Variants in MECOM observed in about 807,000 individuals in gnomAD.
MECOM encodes MDS1 and EVI1 complex locus.
In MECOM, 13 loss-of-function variants were observed where a neutral mutation model predicts 116.3. The ratio of observed to expected loss-of-function variants is 0.11; its 90% CI spans 0.07 to 0.18. The LOEUF (loss-of-function observed/expected upper bound fraction) is 0.18. Among genes scored for constraint, MECOM ranks in the 10% least tolerant of loss-of-function variants. MECOM has a pLI of 1.00. For synonymous variants in MECOM, 528 were observed against 535.2 expected, an observed-to-expected ratio of 0.99 and a Z score of 0.19; for missense variants, 1,299 against 1,509.0, an observed-to-expected ratio of 0.86 and a Z score of 2.31.
Position 169,649,809 on chromosome 3 carries a change from C to T in MECOM, c.37+13527G>A, listed in dbSNP as rs534024772. Among the ~76,000 whole-genome samples the T allele has an allele frequency of 5.3e-5, 8 of 152,270 alleles. No individual in the cohort carries two copies. In the East Asian group the frequency reaches 1.3e-3, roughly 26 times the overall value. On this transcript the variant is annotated intron_variant, in intron 1 of 16. Coordinates refer to ENST00000651503, the MANE Select transcript of MECOM (RefSeq NM_004991.4). ...AATTAAAATTGCAAAGTAAATTAAT[C>T]CCTTAAAGATTTATATGAATAATTT... is the stretch of plus-strand genomic sequence containing the variant.
chr3:169,289,997 G>C (rs1714185604), intron 2 of MECOM, among the ~76,000 whole-genome samples: 1 of 152,134 alleles, frequency 6.6e-6, no homozygotes, highest in Admixed American at 6.6e-5. Flanking sequence ...ATTTTGGATT[G>C]CTGTAGCATT....
intron 1 of MECOM, among the ~76,000 whole-genome samples, chr3:169,502,918 C>T (rs1321504211): frequency 1.3e-5 from 2 of 152,076 alleles, no homozygotes; most frequent in African/African-American, 4.8e-5. Flanking sequence ...GACTAACTTT[C>T]CCAAATACTT....
At chr3:169,458,861 A>G (rs1746958099) in intron 1 of MECOM, among the ~76,000 whole-genome samples, 1 of 152,214 alleles carries the variant, frequency 6.6e-6, no homozygotes, top group Admixed American at 6.5e-5. Flanking sequence ...GGCACTTCCT[A>G]GGAAACAGAG....
intron 1 of MECOM, among the ~76,000 whole-genome samples, chr3:169,563,518 T>C (rs1762894354): frequency 6.6e-6 from 1 of 152,210 alleles, no homozygotes; most frequent in African/African-American, 2.4e-5. Context: ...TGTGTGTTGT[T>C]TGACCTTTTG....
intron 2 of MECOM, among the ~76,000 whole-genome samples, chr3:169,367,111 A>G (rs1729300874): frequency 6.6e-6 from 1 of 152,052 alleles, no homozygotes; most frequent in South Asian, 2.1e-4. Context: ...AAAAGACTAT[A>G]TTGAATAAGT....
At chr3:169,642,313 G>T (rs145616693) in intron 1 of MECOM, among the ~76,000 whole-genome samples, 94 of 152,180 alleles carry the variant, frequency 6.2e-4, no homozygotes, top group African/African-American at 1.9e-3. Context: ...GGGAAGACAA[G>T]AGAGAAGGAA....
intron 1 of MECOM, among the ~76,000 whole-genome samples, chr3:169,516,837 G>A (rs149667739): frequency 1.1e-3 from 160 of 152,252 alleles, no homozygotes; most frequent in Middle Eastern, 3.4e-3. Context: ...AGAGGAAAAC[G>A]AATGCTAGTT....
chr3:169,245,636 G>A (rs1755488002), intron 2 of MECOM, among the ~76,000 whole-genome samples: 1 of 152,114 alleles, frequency 6.6e-6, no homozygotes, highest in Non-Finnish European at 1.5e-5. Context: ...AAAACTGAGA[G>A]GTCTTAGGAG....
At chr3:169,207,060 G>A (rs1750030895) in intron 2 of MECOM, among the ~76,000 whole-genome samples, 1 of 152,164 alleles carries the variant, frequency 6.6e-6, no homozygotes, top group Admixed American at 6.5e-5. Context: ...GAGGCATAGT[G>A]ACTTCTTTCC....
At chr3:169,319,505 T>C (rs936832629) in intron 2 of MECOM, among the ~76,000 whole-genome samples, 2 of 151,878 alleles carry the variant, frequency 1.3e-5, no homozygotes, top group African/African-American at 4.8e-5. Flanking sequence ...CAAACCACCA[T>C]GGCATGTGTA....
intron 1 of MECOM, among the ~76,000 whole-genome samples, chr3:169,467,873 A>G (rs966799054): frequency 1.3e-5 from 2 of 152,220 alleles, no homozygotes; most frequent in African/African-American, 2.4e-5. Context: ...GACCCAGCTC[A>G]TGGTCAGCTT....
chr3:169,436,400 G>C (rs1358764180), intron 1 of MECOM, among the ~76,000 whole-genome samples: 1 of 151,890 alleles, frequency 6.6e-6, no homozygotes, highest in Non-Finnish European at 1.5e-5. Flanking sequence ...ACGGGCATGC[G>C]CCACCACGCC....
intron 2 of MECOM, among the ~76,000 whole-genome samples, chr3:169,202,084 T>C (rs1243182964): frequency 6.6e-6 from 1 of 152,122 alleles, no homozygotes; most frequent in East Asian, 1.9e-4. Flanking sequence ...GTGGTTAAAT[T>C]GTTTATTGAT....
intron 2 of MECOM, among the ~76,000 whole-genome samples, chr3:169,294,563 G>T (rs917178482): frequency 6.6e-6 from 1 of 152,168 alleles, no homozygotes; most frequent in East Asian, 1.9e-4. Context: ...TATGCAGTCT[G>T]TTCTGTCCTC....
At chr3:169,578,060 T>C (rs1443011160) in intron 1 of MECOM, among the ~76,000 whole-genome samples, 1 of 152,166 alleles carries the variant, frequency 6.6e-6, no homozygotes, top group East Asian at 1.9e-4. Context: ...TGTTTTCTAA[T>C]ATGGTACTTA....
chr3:169,305,642 A>G lies in MECOM; in HGVS notation c.375+75545T>C, dbSNP rs565797077. Among the ~76,000 whole-genome samples the G allele has an allele frequency of 2.0e-5, 3 of 152,346 alleles. No homozygotes were observed. The East Asian group carries it at 5.8e-4, about 29-fold the overall frequency. On this transcript the variant is annotated intron_variant, in intron 2 of 16. Transcript: ENST00000651503. ...ACCAAGGCCCAGCCCACTGGAAATC[A>G]GAGTTGCTGAAATATATGATTAGTG...
chr3:169,126,444 A>AT lies in MECOM; in HGVS notation c.830+1399dup, dbSNP rs199973685. Among the ~76,000 whole-genome samples the AT allele has an allele frequency of 6.8e-3, 1,039 of 151,810 alleles. 9 individuals carry two copies. Among genetic ancestry groups the AT allele is most frequent in the South Asian group, 0.018 (84 of 4,796 alleles). On this transcript the variant is annotated intron_variant, in intron 5 of 16. Coordinates refer to ENST00000651503, the MANE Select transcript of MECOM (RefSeq NM_004991.4). Reference sequence around the variant, plus strand: ...CTACTCATTTGTATTTGTTAGCTTCATTTTTTTTAAATTTGGGCACAATTA... The same window carrying AT: ...CTACTCATTTGTATTTGTTAGCTTCATTTTTTTTTAAATTTGGGCACAATTA...
At chr3:169,134,717 A>G (rs2149232048) in intron 3 of MECOM, among the ~76,000 whole-genome samples, 1 of 152,332 alleles carries the variant, frequency 6.6e-6, no homozygotes, top group South Asian at 2.1e-4. Context: ...TCTTCTAATT[A>G]CAATGGCCCA....
intron 2 of MECOM, among the ~76,000 whole-genome samples, chr3:169,316,328 G>C (rs1250024372): frequency 6.6e-6 from 1 of 152,166 alleles, no homozygotes; most frequent in African/African-American, 2.4e-5. Flanking sequence ...TAAAAGAACA[G>C]TATCTATAAA....
Sources: gnomAD v4.1 joint callset for allele counts (sites outside exome capture counted in the v4.1 genomes callset) on GRCh38, gnomAD v4.1.1 for gene constraint, MANE v1.5 for transcripts, NCBI Gene and HGNC (gene_info 2026-07-23, HGNC 2026-07-21) for gene names.